The following FGF14 variants were observed in gnomAD, a reference collection of about 807,000 sequenced individuals.
The protein encoded by FGF14 is fibroblast growth factor homologous factor 4.
A neutral mutation model predicts 25.5 loss-of-function variants in FGF14; 5 were observed. The observed-to-expected ratio is 0.20, with a 90% confidence interval of 0.10 to 0.41. The LOEUF (loss-of-function observed/expected upper bound fraction) is 0.41, where lower values mean the gene tolerates loss of function less well. Ranked by LOEUF, FGF14 falls within the 10% of genes least tolerant of loss-of-function variation. The pLI is 1.00. For synonymous variants in FGF14, 138 were observed against 118.3 expected, an observed-to-expected ratio of 1.17 and a Z score of -1.08; for missense variants, 222 against 320.1, an observed-to-expected ratio of 0.69 and a Z score of 2.34.
At chr13:101,893,788 G>A (rs538658726) in intron 1 of FGF14, among the ~76,000 whole-genome samples, 3 of 152,240 alleles carry the variant, frequency 2.0e-5, no homozygotes, top group South Asian at 2.1e-4. Context: ...CGAGATCCAC[G>A]TCAGAATTTT....
chr13:101,776,584 G>A (rs941138872), intron 3 of FGF14, among the ~76,000 whole-genome samples: 1 of 152,150 alleles, frequency 6.6e-6, no homozygotes, highest in Non-Finnish European at 1.5e-5. Context: ...GCTCCAGCTA[G>A]AGTCACTGAA....
At chr13:102,224,861 T>C (rs1305988052) in intron 1 of FGF14, among the ~76,000 whole-genome samples, 1 of 152,172 alleles carries the variant, frequency 6.6e-6, no homozygotes, top group Admixed American at 6.5e-5. Context: ...TAACACACTG[T>C]AATCTAAGTT....
At chr13:102,248,636 C>A (rs1360694734) in intron 1 of FGF14, among the ~76,000 whole-genome samples, 2 of 151,938 alleles carry the variant, frequency 1.3e-5, no homozygotes, top group East Asian at 1.9e-4. Context: ...GGATTCTGGG[C>A]TAAGTTTGGA....
chr13:102,352,211 T>C (rs994482813), intron 1 of FGF14, among the ~76,000 whole-genome samples: 2 of 147,460 alleles, frequency 1.4e-5, no homozygotes, highest in Admixed American at 6.9e-5. Context: ...CATTATAAAA[T>C]ACCCAAACAA....
chr13:101,905,891 T>C (rs1374828450), intron 1 of FGF14, among the ~76,000 whole-genome samples: 2 of 152,086 alleles, frequency 1.3e-5, no homozygotes, highest in Admixed American at 1.3e-4. Context: ...CCCTGACCAC[T>C]ATGAGTTCCT....
At chr13:101,797,078 T>C (rs1369262491) in intron 3 of FGF14, among the ~76,000 whole-genome samples, 1 of 152,154 alleles carries the variant, frequency 6.6e-6, no homozygotes, top group Non-Finnish European at 1.5e-5. Flanking sequence ...GTCTTCTTTT[T>C]CTCATATTTA....
intron 1 of FGF14, among the ~76,000 whole-genome samples, chr13:102,330,052 C>G (rs1027343602): frequency 2.6e-5 from 4 of 152,092 alleles, no homozygotes; most frequent in African/African-American, 9.7e-5. Flanking sequence ...ACCGCTAACC[C>G]CAAGTGGACC....
intron 3 of FGF14, among the ~76,000 whole-genome samples, chr13:101,814,935 A>G (rs1460929668): frequency 6.6e-6 from 1 of 152,212 alleles, no homozygotes; most frequent in Non-Finnish European, 1.5e-5. Context: ...TAACCTGTAA[A>G]TAAAATAAAA....
intron 1 of FGF14, among the ~76,000 whole-genome samples, chr13:102,337,515 A>G (rs2056821553): frequency 2.6e-5 from 4 of 152,214 alleles, no homozygotes; most frequent in Admixed American, 2.6e-4. Context: ...TGTTGTTGAA[A>G]CAACAATACA....
intron 1 of FGF14, among the ~76,000 whole-genome samples, chr13:102,340,932 T>G (rs569672965): frequency 2.4e-3 from 370 of 152,332 alleles, no homozygotes; most frequent in African/African-American, 8.2e-3. Context: ...AATTTGATGC[T>G]GAGATTTTTA....
chr13:102,228,176 G>C (rs897177802), intron 1 of FGF14, among the ~76,000 whole-genome samples: 2 of 152,128 alleles, frequency 1.3e-5, no homozygotes, highest in East Asian at 3.8e-4. Flanking sequence ...CAAAATGAAC[G>C]ATGTTAACTT....
chr13:102,216,390 G>T (rs1258481623), intron 1 of FGF14, among the ~76,000 whole-genome samples: 1 of 152,192 alleles, frequency 6.6e-6, no homozygotes, highest in Non-Finnish European at 1.5e-5. Flanking sequence ...CAGGATTGAG[G>T]TAACATAGGT....
intron 1 of FGF14, among the ~76,000 whole-genome samples, chr13:102,350,474 C>T (rs555179814): frequency 7.2e-5 from 11 of 152,080 alleles, no homozygotes; most frequent in South Asian, 4.1e-4. Flanking sequence ...CAAAGGCAGA[C>T]GCCTTGTTAT....
intron 3 of FGF14, among the ~76,000 whole-genome samples, chr13:101,835,675 A>G (rs2042889634): frequency 6.6e-6 from 1 of 151,998 alleles, no homozygotes; most frequent in African/African-American, 2.4e-5. Flanking sequence ...CAAATACACA[A>G]TAAGCTCTGT....
At chr13:102,394,065 C>G (rs576733455) in intron 1 of FGF14, among the ~76,000 whole-genome samples, 14 of 152,310 alleles carry the variant, frequency 9.2e-5, no homozygotes, top group Admixed American at 9.1e-4. Context: ...TTGTAGTAGC[C>G]GAGGGGACTG....
At chr13:101,821,232 G>A (rs1358930297) in intron 3 of FGF14, among the ~76,000 whole-genome samples, 1 of 152,196 alleles carries the variant, frequency 6.6e-6, no homozygotes, top group African/African-American at 2.4e-5. Context: ...ACAGGCGTGA[G>A]CCACTGCGCC....
At chr13:102,015,990 T>C (rs2040320890) in intron 1 of FGF14, among the ~76,000 whole-genome samples, 1 of 152,188 alleles carries the variant, frequency 6.6e-6, no homozygotes, top group Non-Finnish European at 1.5e-5. Context: ...ATTAGAGCAC[T>C]ATTATCAGTC....
upstream of FGF14, among the ~76,000 whole-genome samples, chr13:101,916,966 C>A (rs1469751902): frequency 6.6e-5 from 10 of 151,916 alleles, no homozygotes; most frequent in South Asian, 1.7e-3. Context: ...GGTCACCGCT[C>A]GTCGCAGGAA....
chr13:101,826,201 C>CT (rs1045792234), intron 3 of FGF14, among the ~76,000 whole-genome samples: 70 of 152,034 alleles, frequency 4.6e-4, no homozygotes, highest in Non-Finnish European at 2.9e-4. Context: ...ATCTTTTAGT[C>CT]TTTTTTCTAC....
Sources: allele counts gnomAD v4.1 joint callset (sites outside exome capture counted in the v4.1 genomes callset), GRCh38; gene constraint gnomAD v4.1.1; transcripts MANE v1.5; gene names NCBI Gene and HGNC (gene_info 2026-07-23, HGNC 2026-07-21).